CYRIB: variants seen among roughly 807,000 people sequenced by gnomAD.
The protein encoded by CYRIB is CYFIP related Rac1 interactor B.
Under a neutral mutation model 44.2 loss-of-function variants are expected in CYRIB, and 8 were observed. The ratio of observed to expected loss-of-function variants is 0.18; its 90% CI spans 0.11 to 0.33. CYRIB has a LOEUF of 0.33. CYRIB is among the 10% of genes least tolerant of loss of function. The pLI, the probability that CYRIB is intolerant of heterozygous loss-of-function variation, is 1.00. For missense variants in CYRIB, 185 were observed against 382.8 expected, an observed-to-expected ratio of 0.48 and a Z score of 4.31; for synonymous variants, 131 against 127.2, an observed-to-expected ratio of 1.03 and a Z score of -0.20.
At chr8:129,955,189 G>T (rs2094735441) in intron 2 of CYRIB, among the ~76,000 whole-genome samples, 1 of 150,202 alleles carries the variant, frequency 6.7e-6, no homozygotes, top group Non-Finnish European at 1.5e-5. Flanking sequence ...GGAGGCGGAG[G>T]TTGCAGTGAG....
At chr8:129,943,539 G>A (rs1447647186), upstream of CYRIB, among the ~76,000 whole-genome samples, 2 of 150,688 alleles carry the variant, frequency 1.3e-5, no homozygotes, top group Non-Finnish European at 3.0e-5. Context: ...AGGTTGCAAT[G>A]AGCCAAGATT....
intron 1 of CYRIB, among the ~76,000 whole-genome samples, chr8:129,920,719 C>T (rs2083117566): frequency 6.6e-6 from 1 of 152,122 alleles, no homozygotes; most frequent in African/African-American, 2.4e-5. Flanking sequence ...TTCTGCTACC[C>T]TACTCATTCA....
chr8:129,920,031 T>C (rs532249000), intron 1 of CYRIB, among the ~76,000 whole-genome samples: 10 of 151,118 alleles, frequency 6.6e-5, no homozygotes, highest in African/African-American at 2.2e-4. Context: ...GGATAGCTTA[T>C]ATAATTCCAA....
At chr8:129,939,365 G>A (rs1281120760) in intron 1 of CYRIB, among the ~76,000 whole-genome samples, 1 of 151,722 alleles carries the variant, frequency 6.6e-6, no homozygotes, top group African/African-American at 2.4e-5. Flanking sequence ...TGGAAGGAAG[G>A]GGGCGGAAGA....
At chr8:129,911,172 T>G (rs1183797893) in intron 1 of CYRIB, among the ~76,000 whole-genome samples, 1 of 152,232 alleles carries the variant, frequency 6.6e-6, no homozygotes, top group Non-Finnish European at 1.5e-5. Context: ...TTTTTCTAAG[T>G]ACTTCCTATG....
intron 1 of CYRIB, among the ~76,000 whole-genome samples, chr8:129,993,409 A>C (rs2096686744): frequency 6.9e-6 from 1 of 144,294 alleles, no homozygotes; most frequent in African/African-American, 2.6e-5. Flanking sequence ...ACAAAAAAAG[A>C]ACTCTGGCTG....
At position 129,930,365 on chromosome 8, in the gene CYRIB, T is replaced by TTTTATATATATATATATATATATG. The variant is rs369665802; in HGVS notation, c.-50+9242_-50+9243insCATATATATATATATATATATAAA. On this transcript the variant is annotated intron_variant, in intron 1 of 11. Coordinates refer to ENST00000519824, the Ensembl canonical transcript of CYRIB. ...TCAACTAGGAAGAATTGTGAAGTGC[T>TTTTATATATATATATATATATATG]TATATATATATATATTTTAATTATT... Among the ~76,000 whole-genome samples the TTTTATATATATATATATATATATG allele has an allele frequency of 4.0e-5, 2 of 50,438 alleles. 1 individual carries two copies. Among genetic ancestry groups the TTTTATATATATATATATATATATG allele is most frequent in the African/African-American group, 1.4e-4 (2 of 14,490 alleles). The allele number at this position is 50,438 out of a possible 152,430, so 33.1% of individuals were successfully genotyped here. A position where few individuals can be genotyped will look rare whatever the true frequency, so the allele number is the denominator to read the frequency against.
intron 1 of CYRIB, among the ~76,000 whole-genome samples, chr8:129,915,006 T>TA (rs1346751692): frequency 3.9e-5 from 6 of 152,040 alleles, no homozygotes; most frequent in African/African-American, 1.4e-4. Context: ...ACCAGATGGC[T>TA]AAAAAAATAC....
At chr8:129,890,944 A>C (rs1237133978) in intron 2 of CYRIB, among the ~76,000 whole-genome samples, 7 of 152,094 alleles carry the variant, frequency 4.6e-5, no homozygotes, top group African/African-American at 1.4e-4. Context: ...AAAAGAGAAG[A>C]GAAGAGAAAG....
At chr8:129,912,711 G>C (rs1439434536) in intron 1 of CYRIB, among the ~76,000 whole-genome samples, 3 of 151,754 alleles carry the variant, frequency 2.0e-5, no homozygotes, top group African/African-American at 7.3e-5. Flanking sequence ...CCAGGCTGGG[G>C]CTTTCTTTTC....
At chr8:129,861,286 CAA>C (rs2049364081) in intron 5 of CYRIB, among the ~76,000 whole-genome samples, 1 of 152,140 alleles carries the variant, frequency 6.6e-6, no homozygotes, top group Non-Finnish European at 1.5e-5. Context: ...CCTCCTCCTC[CAA>C]TAAAGGGAGT....
chr8:129,842,822 T>C (rs2037209842), intron 11 of CYRIB, among the ~76,000 whole-genome samples: 1 of 152,224 alleles, frequency 6.6e-6, no homozygotes, highest in African/African-American at 2.4e-5. Context: ...CTTTAATATC[T>C]ACTTACTCTC....
At chr8:129,936,179 T>C (rs1590406823) in intron 1 of CYRIB, among the ~76,000 whole-genome samples, 1 of 152,196 alleles carries the variant, frequency 6.6e-6, no homozygotes, top group Non-Finnish European at 1.5e-5. Context: ...AATTAGTAGG[T>C]TGAAATAGAA....
chr8:129,991,348 G>A (rs898833752), intron 1 of CYRIB, among the ~76,000 whole-genome samples: 4 of 152,032 alleles, frequency 2.6e-5, no homozygotes, highest in Admixed American at 2.6e-4. Flanking sequence ...TCCCCAATGT[G>A]GCTGTATTGA....
chr8:130,013,591 C>T (rs750053129), intron 1 of CYRIB, among the ~76,000 whole-genome samples: 3 of 152,192 alleles, frequency 2.0e-5, no homozygotes, highest in South Asian at 2.1e-4. Flanking sequence ...CAGCCAAGTC[C>T]CAGACCGCCA....
intron 9 of CYRIB, chr8:129,850,554 C>G: frequency 2.6e-6 from 1 of 379,168 alleles, no homozygotes; most frequent in Non-Finnish European, 4.7e-6. Flanking sequence ...ACCAAAACAC[C>G]ACCACCACTT....
At chr8:130,012,759 G>C (rs2097255423) in intron 1 of CYRIB, among the ~76,000 whole-genome samples, 1 of 152,088 alleles carries the variant, frequency 6.6e-6, no homozygotes, top group African/African-American at 2.4e-5. Context: ...AAAGAGAAAA[G>C]GAGGAGAGGA....
Position 129,851,105 on chromosome 8 carries a change from C to T in CYRIB, c.634-191G>A, listed in dbSNP as rs75832491. The T allele has an allele frequency of 6.8e-3, 3,769 of 554,220 alleles. 81 individuals carry two copies. Among genetic ancestry groups the T allele is most frequent in the African/African-American group, 0.053 (2,766 of 52,454 alleles). 34.3% of individuals were successfully genotyped at this position (554,220 alleles called of 1,614,324 possible). On this transcript the variant is annotated intron_variant, in intron 8 of 11. Transcript: ENST00000519824. ...GGGGATACAGCTATGAGCAAGACAGCGAAGGCAGGACTCTTCTGAAAGGCA... is the reference window on the plus strand; with the variant it reads ...GGGGATACAGCTATGAGCAAGACAGTGAAGGCAGGACTCTTCTGAAAGGCA...
intron 4 of CYRIB, among the ~76,000 whole-genome samples, chr8:129,870,681 AAC>A (rs2056804798): frequency 6.6e-6 from 1 of 152,224 alleles, no homozygotes; most frequent in African/African-American, 2.4e-5. Context: ...AGAATCAAGA[AAC>A]ACAGCACGGG....
Sources: allele counts gnomAD v4.1 joint callset (sites outside exome capture counted in the v4.1 genomes callset), GRCh38; gene constraint gnomAD v4.1.1; transcripts MANE v1.5; gene names NCBI Gene and HGNC (gene_info 2026-07-23, HGNC 2026-07-21).